PLCB4: variants seen among roughly 807,000 people sequenced by gnomAD.
PLCB4 encodes the protein phospholipase C beta 4.
PLCB4 carries 77 observed loss-of-function variants against 178.8 expected under a neutral mutation model. The observed-to-expected ratio is 0.43, with a 90% CI of 0.36 to 0.52. The LOEUF is 0.52. PLCB4 is among the 20% of genes least tolerant of loss of function. PLCB4 has a pLI of 0.00. For synonymous variants in PLCB4, 496 were observed against 490.8 expected, an observed-to-expected ratio of 1.01 and a Z score of -0.14; for missense variants, 1,024 against 1,453.4, an observed-to-expected ratio of 0.70 and a Z score of 4.80.
At chr20:9,264,005 C>T (rs1202917044) in intron 3 of PLCB4, among the ~76,000 whole-genome samples, 3 of 152,102 alleles carry the variant, frequency 2.0e-5, no homozygotes, top group African/African-American at 4.8e-5. Context: ...AGTTTTTTAA[C>T]GTCTTTAAAA....
At chr20:9,476,379 C>G (rs901174363) in intron 38 of PLCB4, among the ~76,000 whole-genome samples, 4 of 152,136 alleles carry the variant, frequency 2.6e-5, no homozygotes, top group Admixed American at 2.6e-4. Flanking sequence ...CTGTCACACA[C>G]TCGAGTCTCA....
At chr20:9,087,577 G>A (rs950616567) in intron 1 of PLCB4, among the ~76,000 whole-genome samples, 2 of 151,704 alleles carry the variant, frequency 1.3e-5, no homozygotes, top group African/African-American at 4.8e-5. Flanking sequence ...TTCATTCTTA[G>A]GCTTGAGCCC....
chr20:9,249,851 A>G (rs1432168663), intron 3 of PLCB4, among the ~76,000 whole-genome samples: 2 of 152,138 alleles, frequency 1.3e-5, no homozygotes, highest in African/African-American at 4.8e-5. Flanking sequence ...GACCCTGTCT[A>G]TATTATATTT....
intron 12 of PLCB4, among the ~76,000 whole-genome samples, chr20:9,375,816 G>T: frequency 6.6e-6 from 1 of 152,178 alleles, no homozygotes; most frequent in Non-Finnish European, 1.5e-5. Flanking sequence ...GGTAACCAGA[G>T]AAACAATGAG....
chr20:9,421,168 A>G (rs1278275939), intron 26 of PLCB4, 129 bp from the exon 27 acceptor site: 5 of 649,392 alleles, frequency 7.7e-6, no homozygotes, highest in Non-Finnish European at 1.3e-5. Flanking sequence ...AAATGAATAC[A>G]TTATTGCCAT....
chr20:9,358,665 C>T (rs979571160), intron 7 of PLCB4, among the ~76,000 whole-genome samples: 3 of 152,022 alleles, frequency 2.0e-5, no homozygotes, highest in Admixed American at 6.6e-5. Context: ...GAGGCCAAGG[C>T]GGACAGATCA....
intron 3 of PLCB4, among the ~76,000 whole-genome samples, chr20:9,281,883 A>T (rs1452266978): frequency 1.3e-5 from 2 of 151,988 alleles, no homozygotes; most frequent in African/African-American, 4.8e-5. Flanking sequence ...CTTACTAATA[A>T]TATCAGCCAT....
In PLCB4 at chr20:9,204,134, A is replaced by G. The variant is rs932145571; in HGVS notation, c.-78-13256A>G. Among the ~76,000 whole-genome samples the G allele has an allele frequency of 4.7e-5, 7 of 150,020 alleles. No individual in the cohort carries two copies. The Middle Eastern group carries it at 0.01, about 222-fold the overall frequency. ...AGGGAAATAGGAAAGCAAAGAGAAG[A>G]AAAAAAAACAAATTAAAAAGATTCA... On this transcript the variant is annotated intron_variant, in intron 2 of 39. Transcript: ENST00000378473.
intron 14 of PLCB4, among the ~76,000 whole-genome samples, chr20:9,385,940 G>A (rs1000270287): frequency 2.6e-5 from 4 of 152,182 alleles, no homozygotes; most frequent in African/African-American, 4.8e-5. Flanking sequence ...CCGAGATCAC[G>A]CCACTACACT....
At chr20:9,359,221 G>T (rs1272527618) in intron 7 of PLCB4, among the ~76,000 whole-genome samples, 8 of 152,236 alleles carry the variant, frequency 5.3e-5, no homozygotes, top group Admixed American at 5.2e-4. Flanking sequence ...TAATGTTCCC[G>T]GGGCAAAGGT....
chr20:9,166,652 G>T (rs2092978024), intron 2 of PLCB4: 2 of 152,256 alleles, frequency 1.3e-5, no homozygotes, highest in South Asian at 4.1e-4. Flanking sequence ...TCCAGTGCCT[G>T]TTTCTGACTG....
chr20:9,400,037 A>T (rs2038910411), intron 19 of PLCB4, among the ~76,000 whole-genome samples: 1 of 152,246 alleles, frequency 6.6e-6, no homozygotes, highest in South Asian at 2.1e-4. Context: ...TTATTTTAAG[A>T]TGTATTCCAT....
chr20:9,115,429 TC>T (rs1226069500), intron 2 of PLCB4, among the ~76,000 whole-genome samples: 4 of 140,738 alleles, frequency 2.8e-5, no homozygotes, highest in Non-Finnish European at 4.5e-5. Flanking sequence ...TAAAACTTCT[TC>T]TTCTTTTTTT....
At chr20:9,452,157 A>G (rs1197683522) in intron 32 of PLCB4, among the ~76,000 whole-genome samples, 2 of 152,236 alleles carry the variant, frequency 1.3e-5, no homozygotes, top group South Asian at 2.1e-4. Context: ...AAGAATTTAT[A>G]TATAAATGAA....
rs1394944853 is a variant in PLCB4 at position 9,127,738 on chromosome 20, G to A, written c.-79+31396G>A. 2.0e-5 allele frequency among the ~76,000 whole-genome samples: 3 copies of A among 151,962 alleles called. No individual in the cohort carries two copies. The East Asian group carries it at 5.8e-4, about 29-fold the overall frequency. ...CTTGCTCTGTCACCCAGGCTGGAGT[G>A]CAGTAGCACAATCTTGGCTCACTGC... is the stretch of plus-strand genomic sequence containing the variant. On this transcript the variant is annotated intron_variant, in intron 2 of 39. Transcript: ENST00000378473.
intron 3 of PLCB4, among the ~76,000 whole-genome samples, chr20:9,279,808 CT>C (rs2091000831): frequency 6.6e-6 from 1 of 152,098 alleles, no homozygotes; most frequent in Non-Finnish European, 1.5e-5. Flanking sequence ...GTTTCTGTGC[CT>C]CTTTTTGAGT....
At chr20:9,464,226 A>G (rs2043605878) in intron 35 of PLCB4, among the ~76,000 whole-genome samples, 1 of 152,214 alleles carries the variant, frequency 6.6e-6, no homozygotes, top group Admixed American at 6.5e-5. Flanking sequence ...GTTCTTTGAA[A>G]CCAATGAGAA....
At chr20:9,127,875 C>T (rs572294775) in intron 2 of PLCB4, among the ~76,000 whole-genome samples, 8 of 152,092 alleles carry the variant, frequency 5.3e-5, no homozygotes, top group Admixed American at 3.3e-4. Context: ...TTAGTAGAGA[C>T]GGGGTTTTAT....
intron 2 of PLCB4, among the ~76,000 whole-genome samples, chr20:9,098,999 TATATGA>T (rs1215399801): frequency 6.6e-6 from 1 of 151,896 alleles, no homozygotes; most frequent in African/African-American, 2.4e-5. Context: ...TAAGGAAATA[TATATGA>T]ATATGAAGTG....
Sources: gnomAD v4.1 joint callset for allele counts (sites outside exome capture counted in the v4.1 genomes callset) on GRCh38, gnomAD v4.1.1 for gene constraint, MANE v1.5 for transcripts, NCBI Gene and HGNC (gene_info 2026-07-23, HGNC 2026-07-21) for gene names.